The following DOK1 variants were observed in gnomAD, a reference collection of about 807,000 sequenced individuals.
DOK1 encodes the protein docking protein 1.
In DOK1, 12 loss-of-function variants were observed where a neutral mutation model predicts 24.0. That is an observed-to-expected ratio of 0.50 (90% CI 0.32 to 0.81). The LOEUF is 0.81. Ranked by LOEUF, DOK1 falls within the 30% of genes least tolerant of loss-of-function variation. The probability of loss-of-function intolerance (pLI) is 0.03; values close to 1 mark genes in which losing one functional copy is unlikely to be tolerated. For missense variants in DOK1, 591 were observed against 620.7 expected, an observed-to-expected ratio of 0.95 and a Z score of 0.51; for synonymous variants, 250 against 260.9, an observed-to-expected ratio of 0.96 and a Z score of 0.40.
chr2:74,556,036 G>C lies in DOK1; in HGVS notation c.597G>C (p.Leu199=), dbSNP rs749346210. The C allele has an allele frequency of 2.5e-6, 4 of 1,611,230 alleles. No homozygotes were observed. In the South Asian group the frequency reaches 4.4e-5, roughly 18 times the overall value. ...GAQSQILEPL[L]SWPYTLLRRY... is the part of the protein sequence containing the mutation. ...AGAGTCAGATACTGGAGCCACTCCT[G>C]TCCTGGCCCTACACTCTGTTGCGTC... The change falls in exon 4 of 5, where the codon CTG becomes CTC. Residue 199 remains leucine (L), a synonymous_variant. Transcript: ENST00000233668. This position sits in a 1 kb window ranked among gnomAD's most constrained non-coding sequence, Gnocchi z 4.1.
chr2:74,550,934 G>GTT (rs1030182702), upstream of DOK1, among the ~76,000 whole-genome samples: 20 of 135,384 alleles, frequency 1.5e-4, no homozygotes, highest in East Asian at 2.1e-4. Flanking sequence ...TCTGAAACCT[G>GTT]TTTTTTTTTT....
rs1676839616 is a variant in DOK1 at position 74,549,369 on chromosome 2, C to T, written c.-358+197C>T. 6.3e-7 allele frequency: 1 copy of T among 1,596,582 alleles called. No individual in the cohort carries two copies. Among genetic ancestry groups the T allele is most frequent in the South Asian group, 1.1e-5 (1 of 88,764 alleles). On this transcript the variant is annotated intron_variant, in intron 1 of 4. Coordinates refer to the DOK1 transcript ENST00000409429. This position sits in a 1 kb window ranked among gnomAD's most constrained non-coding sequence, Gnocchi z 5.3. ...CCGCCCGGCGCCCGCGGCCCCTCACCTGTAGAAGGCCGCGTTGACCCTCTT... is the reference window on the plus strand; with the variant it reads ...CCGCCCGGCGCCCGCGGCCCCTCACTTGTAGAAGGCCGCGTTGACCCTCTT...
Position 74,555,180 on chromosome 2 carries a change from C to T in DOK1, c.87C>T (p.Leu29=). 3.1e-6 allele frequency: 5 copies of T among 1,613,102 alleles called. No homozygotes were observed. The South Asian group carries it at 4.4e-5, about 14-fold the overall frequency. The part of the protein sequence containing the change: ...TKRWRKTWAV[L]YPASPHGVAR... Reference sequence around the variant, plus strand: ...GGTGGAGGAAGACCTGGGCCGTGCTCTACCCGGCCAGTCCCCACGGCGTAG... The same window carrying T: ...GGTGGAGGAAGACCTGGGCCGTGCTTTACCCGGCCAGTCCCCACGGCGTAG... The change falls in exon 2 of 5, where the codon CTC becomes CTT. Residue 29 remains leucine, a synonymous_variant. Coordinates refer to ENST00000233668, the MANE Select transcript of DOK1 (RefSeq NM_001381.5). This position sits in a 1 kb window ranked among gnomAD's most constrained non-coding sequence, Gnocchi z 6.1.
chr2:74,556,065 A>G lies in DOK1; in HGVS notation c.626A>G (p.Tyr209Cys). Reference sequence around the variant, plus strand: ...TGGCCCTACACTCTGTTGCGTCGCTATGGCCGGGACAAGGTGCAGGGGCTG... The same window carrying G: ...TGGCCCTACACTCTGTTGCGTCGCTGTGGCCGGGACAAGGTGCAGGGGCTG... ...LSWPYTLLRRYGRDKVMFSFE... is the reference protein window; with the variant it reads ...LSWPYTLLRRCGRDKVMFSFE... The change falls in exon 4 of 5, where the codon TAT becomes TGT. Residue 209 changes from tyrosine (Y) to cysteine (C), a missense_variant. Transcript: ENST00000233668. The surrounding 1 kb of genome is among the most constrained non-coding windows in gnomAD (Gnocchi z 4.1). 2 of 1,596,520 alleles carry G rather than the reference A, an allele frequency of 1.3e-6. No individual in the cohort carries two copies. Among genetic ancestry groups the G allele is most frequent in the Non-Finnish European group, 1.7e-6 (2 of 1,169,888 alleles).
Position 74,555,513 on chromosome 2 carries a change from C to T in DOK1, c.360+60C>T, listed in dbSNP as rs1399211174. The T allele has an allele frequency of 1.2e-5, 20 of 1,612,184 alleles. No homozygotes were observed. Among genetic ancestry groups the T allele is most frequent in the Non-Finnish European group, 1.6e-5 (19 of 1,179,468 alleles). On this transcript the variant is annotated intron_variant, in intron 2 of 4. Coordinates refer to ENST00000233668, the MANE Select transcript of DOK1 (RefSeq NM_001381.5). This position sits in a 1 kb window ranked among gnomAD's most constrained non-coding sequence, Gnocchi z 6.1. Reference sequence around the variant, plus strand: ...TACAGAGGCAGAGAAATGGGGCTGCCTCAGACCGACCCCCGCTCCCCGCTG... The same window carrying T: ...TACAGAGGCAGAGAAATGGGGCTGCTTCAGACCGACCCCCGCTCCCCGCTG...
At chr2:74,549,968 T>C (rs1676895302), upstream of DOK1, 2 of 985,364 alleles carry the variant, frequency 2.0e-6, no homozygotes, top group South Asian at 9.4e-5. This position sits in a 1 kb window ranked among gnomAD's most constrained non-coding sequence, Gnocchi z 5.3. Context: ...GGGATGAAGC[T>C]GGAGAGGCTC....
chr2:74,555,481 G>T lies in DOK1; in HGVS notation c.360+28G>T. 6.2e-7 allele frequency: 1 copy of T among 1,608,560 alleles called. No homozygotes were observed. Among genetic ancestry groups the T allele is most frequent in the Non-Finnish European group, 8.5e-7 (1 of 1,177,904 alleles). On this transcript the variant is annotated intron_variant, in intron 2 of 4. Transcript: ENST00000233668. The surrounding 1 kb of genome is among the most constrained non-coding windows in gnomAD (Gnocchi z 6.1). The stretch of plus-strand genomic sequence containing the variant: ...GAGGAGCTGCGGCGATGCGGGGTGG[G>T]GGCAGTTACAGAGGCAGAGAAATGG...
At chr2:74,554,413 T>A, upstream of DOK1, 1 of 311,838 alleles carries the variant, frequency 3.2e-6, no homozygotes, top group Non-Finnish European at 6.0e-6. The surrounding 1 kb of genome is among the most constrained non-coding windows in gnomAD (Gnocchi z 4.9). Context: ...GCTTTCGGGG[T>A]GATGTCATGG....
Position 74,555,757 on chromosome 2 carries a change from T to C in DOK1, c.454+89T>C, listed in dbSNP as rs1324582318. On this transcript the variant is annotated intron_variant, in intron 3 of 4. Coordinates refer to ENST00000233668, the MANE Select transcript of DOK1 (RefSeq NM_001381.5). The surrounding 1 kb of genome is among the most constrained non-coding windows in gnomAD (Gnocchi z 6.1). ...AAGTGGGTGGATACCCAGGGGCCCATGGGGAAGTAAGAAGTAGGAAGGCCC... is the reference window on the plus strand; with the variant it reads ...AAGTGGGTGGATACCCAGGGGCCCACGGGGAAGTAAGAAGTAGGAAGGCCC... 3 of 1,598,418 alleles carry C rather than the reference T, an allele frequency of 1.9e-6. No individual in the cohort carries two copies. Among genetic ancestry groups the C allele is most frequent in the African/African-American group, 1.3e-5 (1 of 74,360 alleles).
At position 74,556,781 on chromosome 2, in the gene DOK1, C is replaced by G. The variant is rs780834014; in HGVS notation, c.1113C>G (p.Val371=). Residue 371 remains valine (V), a synonymous_variant, in exon 5 of 5, where the codon GTC becomes GTG. Transcript: ENST00000233668. The surrounding 1 kb of genome is among the most constrained non-coding windows in gnomAD (Gnocchi z 4.1). ...ATGAACCTGAGGGCCTGGCCCCAGT[C>G]CCTCCCCAGGGCCTTTATGATCTGC... is the stretch of plus-strand genomic sequence containing the variant. ...IYDEPEGLAP[V]PPQGLYDLPR... is the part of the protein sequence containing the mutation. 4 of 1,614,062 alleles carry G rather than the reference C, an allele frequency of 2.5e-6. No individual in the cohort carries two copies. In the African/African-American group the frequency reaches 5.3e-5, roughly 22 times the overall value.
Position 74,555,318 on chromosome 2 carries a change from C to T in DOK1, c.225C>T (p.Pro75=), listed in dbSNP as rs374772932. ...TGGCTGAGTGTGTGAGTGTGGCCCCCGTCACCGTGGAGACCCCCCCTGAGC... is the reference window on the plus strand; with the variant it reads ...TGGCTGAGTGTGTGAGTGTGGCCCCTGTCACCGTGGAGACCCCCCCTGAGC... ...IRLAECVSVA[P]VTVETPPEPG... Residue 75 remains proline, a synonymous_variant, in exon 2 of 5, where the codon CCC becomes CCT. Transcript: ENST00000233668. This position sits in a 1 kb window ranked among gnomAD's most constrained non-coding sequence, Gnocchi z 6.1. 1 of 1,613,966 alleles carries T rather than the reference C, an allele frequency of 6.2e-7. No homozygotes were observed. The highest frequency in any genetic ancestry group is 1.7e-5 in the Admixed American group (1 of 60,006).
upstream of DOK1, chr2:74,552,656 C>A: frequency 6.6e-7 from 1 of 1,516,158 alleles, no homozygotes; most frequent in African/African-American, 1.4e-5. Context: ...CCTGGGTGCC[C>A]CAGAGACAAA....
chr2:74,555,759 G>A lies in DOK1; in HGVS notation c.454+91G>A. On this transcript the variant is annotated intron_variant, in intron 3 of 4. Transcript: ENST00000233668. The surrounding 1 kb of genome is among the most constrained non-coding windows in gnomAD (Gnocchi z 6.1). ...GTGGGTGGATACCCAGGGGCCCATG[G>A]GGAAGTAAGAAGTAGGAAGGCCCTG... 6.3e-7 allele frequency: 1 copy of A among 1,597,836 alleles called. No individual in the cohort carries two copies. The highest frequency in any genetic ancestry group is 2.2e-5 in the East Asian group (1 of 44,672).
rs1279495514 is a variant in DOK1 at position 74,556,862 on chromosome 2, T to C, written c.1194T>C (p.Tyr398=). The change falls in exon 5 of 5, where the codon TAT becomes TAC. Residue 398 remains tyrosine (Y), a synonymous_variant. Transcript: ENST00000233668. The surrounding 1 kb of genome is among the most constrained non-coding windows in gnomAD (Gnocchi z 4.1). ...AAGCTCGGGTGAAGGAGGAGGGCTA[T>C]GAGCTCCCCTACAACCCTGCCACTG... ...WCQARVKEEG[Y]ELPYNPATDD... 3.7e-6 allele frequency: 6 copies of C among 1,612,102 alleles called. No homozygotes were observed. In the African/African-American group the frequency reaches 4.0e-5, roughly 11 times the overall value.
At position 74,549,467 on chromosome 2, in the gene DOK1, C is replaced by G. The variant is rs781045766; in HGVS notation, c.-358+295C>G. 4.0e-5 allele frequency: 64 copies of G among 1,612,986 alleles called. No homozygotes were observed. The South Asian group carries it at 6.8e-4, about 17-fold the overall frequency. ...CGCTCCAGCCTTTGTCGCACACTTG[C>G]GACCAGCCGTCAGGAAGCCTGACTT... On this transcript the variant is annotated intron_variant, in intron 1 of 4. Transcript: ENST00000409429. This position sits in a 1 kb window ranked among gnomAD's most constrained non-coding sequence, Gnocchi z 5.3.
At position 74,549,346 on chromosome 2, in the gene DOK1, G is replaced by T; in HGVS notation, c.-358+174G>T. ...GAGCACCCCAATCCCGGCCTGCTCC[G>T]CCCGGCGCCCGCGGCCCCTCACCTG... On this transcript the variant is annotated intron_variant, in intron 1 of 4. Coordinates refer to the DOK1 transcript ENST00000409429. The surrounding 1 kb of genome is among the most constrained non-coding windows in gnomAD (Gnocchi z 5.3). The T allele has an allele frequency of 6.5e-7, 1 of 1,548,454 alleles. No homozygotes were observed. Among genetic ancestry groups the T allele is most frequent in the South Asian group, 1.2e-5 (1 of 84,534 alleles).
Position 74,555,883 on chromosome 2 carries a change from A to C in DOK1, c.455-11A>C. The C allele has an allele frequency of 6.3e-7, 1 of 1,599,274 alleles. No individual in the cohort carries two copies. The highest frequency in any genetic ancestry group is 8.5e-7 in the Non-Finnish European group (1 of 1,172,002). On this transcript the variant is annotated splice_polypyrimidine_tract_variant and intron_variant, in intron 3 of 4. Transcript: ENST00000233668. This position sits in a 1 kb window ranked among gnomAD's most constrained non-coding sequence, Gnocchi z 6.1. ...CTCCCCCGCAGCTGTCTAATCGTGT[A>C]TGCCTTCCAGGATCCCAATTCTGGG...
chr2:74,555,032 C>A lies in DOK1; in HGVS notation c.61-122C>A. On this transcript the variant is annotated intron_variant, in intron 1 of 4. Coordinates refer to ENST00000233668, the MANE Select transcript of DOK1 (RefSeq NM_001381.5). The surrounding 1 kb of genome is among the most constrained non-coding windows in gnomAD (Gnocchi z 6.1). ...GTGGCATCGTCCTTGGGAAACTTCG[C>A]CCCCAACCCCGTTTGGAAGCCCCAG... 1 of 1,412,764 alleles carries A rather than the reference C, an allele frequency of 7.1e-7. No individual in the cohort carries two copies. 87.5% of individuals were successfully genotyped at this position (1,412,764 alleles called of 1,614,324 possible). A position where few individuals can be genotyped will look rare whatever the true frequency, so the allele number is the denominator to read the frequency against.
Position 74,554,858 on chromosome 2 carries a change from G to C in DOK1, c.60+44G>C. The stretch of plus-strand genomic sequence containing the variant: ...GCCGAACCTTATCCGGGCTAGTAGT[G>C]GGTGAGAGAGCCCAGAAACAGGGAG... On this transcript the variant is annotated intron_variant, in intron 1 of 4. Coordinates refer to ENST00000233668, the MANE Select transcript of DOK1 (RefSeq NM_001381.5). The surrounding 1 kb of genome is among the most constrained non-coding windows in gnomAD (Gnocchi z 4.9). 6.2e-7 allele frequency: 1 copy of C among 1,610,018 alleles called. No homozygotes were observed. The highest frequency in any genetic ancestry group is 8.5e-7 in the Non-Finnish European group (1 of 1,178,076).
Sources: allele counts gnomAD v4.1 joint callset (sites outside exome capture counted in the v4.1 genomes callset), GRCh38; gene constraint gnomAD v4.1.1; non-coding constraint Gnocchi (gnomAD v3.1); transcripts MANE v1.5; gene names NCBI Gene and HGNC (gene_info 2026-07-23, HGNC 2026-07-21).